The following RNF220 variants were observed in gnomAD, a reference collection of about 807,000 sequenced individuals.
The protein encoded by RNF220 is ring finger protein 220.
In RNF220, 7 loss-of-function variants were observed where a neutral mutation model predicts 67.1. The ratio of observed to expected loss-of-function variants is 0.10; its 90% CI spans 0.06 to 0.20. The LOEUF is 0.20. Among genes scored for constraint, RNF220 ranks in the 10% least tolerant of loss-of-function variants. The pLI, the probability that RNF220 is intolerant of heterozygous loss-of-function variation, is 1.00. For missense variants in RNF220, 565 were observed against 740.3 expected (o/e 0.76, Z 2.75); for synonymous variants, 270 against 283.2 (o/e 0.95, Z 0.47).
At chr1:44,569,911 A>G (rs1664311039) in intron 2 of RNF220, among the ~76,000 whole-genome samples, 1 of 152,164 alleles carries the variant, frequency 6.6e-6, no homozygotes, top group Non-Finnish European at 1.5e-5. Context: ...TAGCAGGCCT[A>G]TGATGGTGTT....
chr1:44,520,121 G>GTC (rs1659795795), intron 2 of RNF220, among the ~76,000 whole-genome samples: 1 of 140,722 alleles, frequency 7.1e-6, no homozygotes, highest in South Asian at 2.4e-4. Context: ...GTGTGTGTGT[G>GTC]TGTGTGTGAG....
chr1:44,642,515 G>C (rs1644516623), intron 8 of RNF220, among the ~76,000 whole-genome samples: 1 of 152,202 alleles, frequency 6.6e-6, no homozygotes, highest in African/African-American at 2.4e-5. Context: ...GAAGGTTCTA[G>C]GCAGAGAGCA....
At chr1:44,627,604 GGCAGAGCCCT>G (rs1368124355) in intron 5 of RNF220, among the ~76,000 whole-genome samples, 3 of 152,106 alleles carry the variant, frequency 2.0e-5, no homozygotes, top group Non-Finnish European at 4.4e-5. Context: ...TCTAAGGAGA[GGCAGAGCCCT>G]GTCTTTAAGA....
intron 2 of RNF220, among the ~76,000 whole-genome samples, chr1:44,452,206 T>A (rs1295460056): frequency 1.3e-5 from 2 of 152,298 alleles, no homozygotes; most frequent in East Asian, 3.9e-4. Context: ...GGTCCATTTG[T>A]GTGCAAACAC....
intron 2 of RNF220, among the ~76,000 whole-genome samples, chr1:44,534,987 C>G (rs992284485): frequency 9.9e-5 from 15 of 152,144 alleles, no homozygotes; most frequent in African/African-American, 3.4e-4. Context: ...GTTGTCCAGA[C>G]TCGTTGTGAC....
rs545549097 is a variant in RNF220, at chr1:44,603,180, CT to C, written c.626-10983del. Among the ~76,000 whole-genome samples the C allele has an allele frequency of 5.9e-5, 9 of 152,352 alleles. No homozygotes were observed. The East Asian group carries it at 1.5e-3, about 26-fold the overall frequency. ...GCAGCAGCAAATCAAATCGAATTTC[CT>C]TATCGGCGTATTATTTTAGGCGTTA... On this transcript the variant is annotated intron_variant, in intron 2 of 14. Coordinates refer to ENST00000361799, the MANE Select transcript of RNF220 (RefSeq NM_018150.4).
chr1:44,411,974 TC>T lies in RNF220; in HGVS notation c.-117-6del, dbSNP rs1648013731. The T allele has an allele frequency of 9.0e-7, 1 of 1,105,410 alleles. No homozygotes were observed. The highest frequency in any genetic ancestry group is 1.3e-6 in the Non-Finnish European group (1 of 784,696). The allele number at this position is 1,105,410 out of a possible 1,614,324, so 68.5% of individuals were successfully genotyped here. ...CCCTTCTTTTTTTCTCTTTGCTGTT[TC>T]TACAGGTCTTAGGAGGGAATGATTC... On this transcript the variant is annotated splice_region_variant and splice_polypyrimidine_tract_variant and intron_variant, in intron 1 of 14. Transcript: ENST00000361799.
chr1:44,427,412 G>A (rs1649904180), intron 2 of RNF220, among the ~76,000 whole-genome samples: 1 of 152,184 alleles, frequency 6.6e-6, no homozygotes, highest in South Asian at 2.1e-4. Context: ...CAGTGTGGCA[G>A]CCCTTAGGCA....
At chr1:44,484,881 C>T (rs575520132) in intron 2 of RNF220, among the ~76,000 whole-genome samples, 4 of 152,302 alleles carry the variant, frequency 2.6e-5, no homozygotes, top group East Asian at 1.9e-4. Context: ...CGGTGGCTCA[C>T]GCCTGTAATC....
chr1:44,454,656 G>GTT (rs200541444), intron 2 of RNF220, among the ~76,000 whole-genome samples: 13 of 142,614 alleles, frequency 9.1e-5, no homozygotes, highest in Admixed American at 7.7e-4. Context: ...ATTTTGGTGG[G>GTT]TTTTTTTTTT....
chr1:44,650,690 T>G lies in RNF220; in HGVS notation c.1630-14T>G, dbSNP rs764888844. On this transcript the variant is annotated splice_polypyrimidine_tract_variant and intron_variant, in intron 14 of 14. Coordinates refer to ENST00000361799, the MANE Select transcript of RNF220 (RefSeq NM_018150.4). The surrounding 1 kb of genome is among the most constrained non-coding windows in gnomAD (Gnocchi z 4.3). ...TCATTGTGTAGACCAGAGCCCTCCCTGTTCTCCCTGCAGGGTGCCAAGAAG... is the reference window on the plus strand; with the variant it reads ...TCATTGTGTAGACCAGAGCCCTCCCGGTTCTCCCTGCAGGGTGCCAAGAAG... 1 of 1,613,502 alleles carries G rather than the reference T, an allele frequency of 6.2e-7. No homozygotes were observed. The highest frequency in any genetic ancestry group is 8.5e-7 in the Non-Finnish European group (1 of 1,179,730).
In RNF220 at chr1:44,645,594, C is replaced by A; in HGVS notation, c.1445+106C>A. 9.0e-7 allele frequency: 1 copy of A among 1,115,646 alleles called. No homozygotes were observed. Among genetic ancestry groups the A allele is most frequent in the Non-Finnish European group, 1.3e-6 (1 of 756,634 alleles). 69.1% of individuals were successfully genotyped at this position (1,115,646 alleles called of 1,614,324 possible). On this transcript the variant is annotated intron_variant, in intron 12 of 14. Transcript: ENST00000361799. This position sits in a 1 kb window ranked among gnomAD's most constrained non-coding sequence, Gnocchi z 5.0. ...CCAGGGCTTCTGGCCCTCCCAAGTG[C>A]AGCTCAGTGCTGCTGCCCTGGGCAC...
At chr1:44,447,946 G>C (rs958582390) in intron 2 of RNF220, among the ~76,000 whole-genome samples, 4 of 152,148 alleles carry the variant, frequency 2.6e-5, no homozygotes, top group African/African-American at 7.2e-5. Flanking sequence ...TTAGCTACGG[G>C]GAGATGATGG....
chr1:44,642,954 G>A (rs1401954066), intron 8 of RNF220, among the ~76,000 whole-genome samples: 1 of 152,198 alleles, frequency 6.6e-6, no homozygotes, highest in Admixed American at 6.5e-5. Flanking sequence ...CTGTCAGAGG[G>A]TTTATGGAGG....
chr1:44,466,855 A>C (rs1361957128), intron 2 of RNF220, among the ~76,000 whole-genome samples: 1 of 152,226 alleles, frequency 6.6e-6, no homozygotes, highest in Non-Finnish European at 1.5e-5. Context: ...ATTTAGCATA[A>C]TTTTTAAGGG....
intron 2 of RNF220, among the ~76,000 whole-genome samples, chr1:44,583,242 A>G (rs1287210671): frequency 6.6e-6 from 1 of 152,130 alleles, no homozygotes; most frequent in African/African-American, 2.4e-5. Context: ...ACTTATACAA[A>G]GATTCATTAT....
chr1:44,631,426 G>T (rs898228544), intron 5 of RNF220, among the ~76,000 whole-genome samples: 1 of 152,242 alleles, frequency 6.6e-6, no homozygotes, highest in Non-Finnish European at 1.5e-5. Context: ...TGAGTAGATA[G>T]TGGCTTCCTC....
rs372809714 is a variant in RNF220 at position 44,417,682 on chromosome 1, C to G, written c.625+4960C>G. 3.3e-5 allele frequency among the ~76,000 whole-genome samples: 5 copies of G among 152,184 alleles called. No homozygotes were observed. The highest frequency in any genetic ancestry group is 5.9e-5 in the Non-Finnish European group (4 of 68,026). On this transcript the variant is annotated intron_variant, in intron 2 of 14. Transcript: ENST00000361799. This position sits in a 1 kb window ranked among gnomAD's most constrained non-coding sequence, Gnocchi z 4.0. Reference sequence around the variant, plus strand: ...GTCATGCAGAAGTGATCCGGGCTGCCGTTTTCTCGCGGCCGCCCGCCAGCC... The same window carrying G: ...GTCATGCAGAAGTGATCCGGGCTGCGGTTTTCTCGCGGCCGCCCGCCAGCC...
chr1:44,433,469 A>G (rs1265829325), intron 2 of RNF220, among the ~76,000 whole-genome samples: 3 of 152,192 alleles, frequency 2.0e-5, no homozygotes, highest in Non-Finnish European at 2.9e-5. Flanking sequence ...ATAAACAATG[A>G]CAGCACATGA....
Sources: allele counts gnomAD v4.1 joint callset (sites outside exome capture counted in the v4.1 genomes callset), GRCh38; gene constraint gnomAD v4.1.1; non-coding constraint Gnocchi (gnomAD v3.1); transcripts MANE v1.5; gene names NCBI Gene and HGNC (gene_info 2026-07-23, HGNC 2026-07-21).